The following CPLANE1 variants were observed in gnomAD, a reference collection of about 807,000 sequenced individuals.
The protein encoded by CPLANE1 is ciliogenesis and planar polarity effector 1.
CPLANE1 carries 263 observed loss-of-function variants against 362.5 expected under a neutral mutation model. That is an observed-to-expected ratio of 0.73 (90% confidence interval 0.66 to 0.80). CPLANE1 has a LOEUF of 0.80. Ranked by LOEUF, CPLANE1 falls within the 30% of genes least tolerant of loss-of-function variation. The pLI is 0.00. For synonymous variants in CPLANE1, 1,212 were observed against 1,302.6 expected, an observed-to-expected ratio of 0.93 and a Z score of 1.50; for missense variants, 3,461 against 3,793.4, an observed-to-expected ratio of 0.91 and a Z score of 2.30.
Position 37,121,633 on chromosome 5 carries a change from A to T in CPLANE1, c.9169T>A (p.Cys3057Ser). ...TTGTCTTACCCTCTTGGAGAAGGGC[A>T]GTGTTGACAACTGGAAGACTGAGTA... Reference protein sequence around the residue: ...SPTQSSSCQHCPSPRGENQHG... With the variant: ...SPTQSSSCQHSPSPRGENQHG... The change falls in exon 49 of 53, where the codon TGC becomes AGC. Residue 3057 changes from cysteine (C) to serine (S), a missense_variant. By Grantham distance (112) the Cys-to-Ser change is moderately radical. Transcript: ENST00000651892. 2 of 1,614,132 alleles carry T rather than the reference A, an allele frequency of 1.2e-6. No homozygotes were observed. The highest frequency in any genetic ancestry group is 1.1e-5 in the South Asian group (1 of 91,068).
intron 30 of CPLANE1, 133 bp downstream of exon 30, chr5:37,177,488 T>C (rs1244753240): frequency 3.0e-6 from 2 of 672,054 alleles, no homozygotes; most frequent in African/African-American, 1.8e-5. Context: ...ACCATAACTA[T>C]AAACTGAAGT....
At position 37,179,413 on chromosome 5, in the gene CPLANE1, C is replaced by T; in HGVS notation, c.5768G>A (p.Arg1923Lys). ...CATGCAAATGGCAAGACTGGGACTT[C>T]TGAAACCTCCAACAGATTCTTCAAT... is the stretch of plus-strand genomic sequence containing the variant. ...EDIEESVGGF[R>K]SPSLAICMMT... Residue 1923 changes from arginine to lysine, a missense_variant, in exon 29 of 53, where the codon AGA becomes AAA. By Grantham distance (26) the Arg-to-Lys change is conservative (BLOSUM62 2). Transcript: ENST00000651892. 6.2e-7 allele frequency: 1 copy of T among 1,613,286 alleles called. No homozygotes were observed. The highest frequency in any genetic ancestry group is 1.1e-5 in the South Asian group (1 of 90,958).
intron 44 of CPLANE1, chr5:37,140,213 G>A: frequency 2.3e-6 from 2 of 888,256 alleles, no homozygotes; most frequent in Middle Eastern, 5.8e-4. Flanking sequence ...AATTAATATA[G>A]GGAAAAGTGT....
chr5:37,151,420 T>A (rs1216211108), intron 42 of CPLANE1, among the ~76,000 whole-genome samples: 1 of 152,180 alleles, frequency 6.6e-6, no homozygotes, highest in Non-Finnish European at 1.5e-5. Flanking sequence ...GGTATATACA[T>A]CTATCTTCTT....
intron 50 of CPLANE1, among the ~76,000 whole-genome samples, chr5:37,117,948 AG>A (rs1465234689): frequency 6.6e-6 from 1 of 152,282 alleles, no homozygotes; most frequent in Non-Finnish European, 1.5e-5. Flanking sequence ...ACCATGGCTC[AG>A]GTTTTTAAAA....
At chr5:37,164,813 C>G (rs1777812202) in intron 36 of CPLANE1, among the ~76,000 whole-genome samples, 1 of 152,098 alleles carries the variant, frequency 6.6e-6, no homozygotes, top group Non-Finnish European at 1.5e-5. Context: ...TTTTAAAAGA[C>G]CTGACTTAAA....
At chr5:37,196,564 T>A (rs1383179938) in intron 20 of CPLANE1, among the ~76,000 whole-genome samples, 1 of 152,012 alleles carries the variant, frequency 6.6e-6, no homozygotes, top group Non-Finnish European at 1.5e-5. Flanking sequence ...TCCCTAAAAT[T>A]AAAATAAGCA....
At chr5:37,227,542 C>A in intron 10 of CPLANE1, 26 bp downstream of exon 10, 1 of 1,512,076 alleles carries the variant, frequency 6.6e-7, no homozygotes, top group African/African-American at 1.4e-5. Flanking sequence ...GGCAACTTTC[C>A]CCAATGATAT....
At chr5:37,221,279 C>T in intron 15 of CPLANE1, 45 bp downstream of exon 15, 1 of 1,336,180 alleles carries the variant, frequency 7.5e-7, no homozygotes, top group Non-Finnish European at 1.0e-6. Context: ...ATAGGGAGAC[C>T]CTGTCTCTTT....
Position 37,120,353 on chromosome 5 carries a change from T to C in CPLANE1, c.9186-13A>G, listed in dbSNP as rs1362548883. 3 of 1,547,552 alleles carry C rather than the reference T, an allele frequency of 1.9e-6. No homozygotes were observed. The African/African-American group carries it at 4.3e-5, about 22-fold the overall frequency. On this transcript the variant is annotated splice_polypyrimidine_tract_variant and intron_variant, in intron 49 of 52. Coordinates refer to ENST00000651892, the MANE Select transcript of CPLANE1 (RefSeq NM_001384732.1). ...ATGTTGATTCTCTCTATAGTAGAAATCACATAATTATTACATTCCCAGAAT... is the reference window on the plus strand; with the variant it reads ...ATGTTGATTCTCTCTATAGTAGAAACCACATAATTATTACATTCCCAGAAT...
At chr5:37,154,658 T>C (rs1176385680) in intron 41 of CPLANE1, among the ~76,000 whole-genome samples, 1 of 151,952 alleles carries the variant, frequency 6.6e-6, no homozygotes, top group African/African-American at 2.4e-5. Context: ...CCTCACTGTA[T>C]TGCTCATACT....
chr5:37,134,184 T>C (rs780242963), intron 46 of CPLANE1, among the ~76,000 whole-genome samples: 1 of 152,212 alleles, frequency 6.6e-6, no homozygotes, highest in Non-Finnish European at 1.5e-5. Context: ...CTGTCCTCCT[T>C]GATTTTTTAA....
chr5:37,209,805 G>A lies in CPLANE1; in HGVS notation c.2921-3380C>T. On this transcript the variant is annotated intron_variant, in intron 16 of 52. Coordinates refer to ENST00000651892, the MANE Select transcript of CPLANE1 (RefSeq NM_001384732.1). This position sits in a 1 kb window ranked among gnomAD's most constrained non-coding sequence, Gnocchi z 4.6. ...TCTTATGCATTTTTTAAAAGGATTG[G>A]CAGAATATCATCAAGCTAAAGAAAG... The A allele has an allele frequency of 7.5e-7, 1 of 1,329,136 alleles. No homozygotes were observed. Among genetic ancestry groups the A allele is most frequent in the Non-Finnish European group, 1.1e-6 (1 of 922,750 alleles). The allele number at this position is 1,329,136 out of a possible 1,614,324, so 82.3% of individuals were successfully genotyped here.
chr5:37,195,790 C>T, intron 21 of CPLANE1, 68 bp downstream of exon 21: 1 of 1,508,730 alleles, frequency 6.6e-7, no homozygotes, highest in East Asian at 2.3e-5. Context: ...AGAGTCAATA[C>T]TTTCCCAAAT....
chr5:37,149,097 T>G (rs1772675280), intron 42 of CPLANE1, among the ~76,000 whole-genome samples: 2 of 152,144 alleles, frequency 1.3e-5, no homozygotes. Flanking sequence ...TGTGTGTGTG[T>G]ATACAAAATT....
rs1229712660 is a variant in CPLANE1 at position 37,186,400 on chromosome 5, G to GA, written c.4081-7dup. The GA allele has an allele frequency of 6.3e-5, 88 of 1,389,448 alleles. No individual in the cohort carries two copies. Among genetic ancestry groups the GA allele is most frequent in the Non-Finnish European group, 7.4e-5 (73 of 985,388 alleles). 86.1% of individuals were successfully genotyped at this position (1,389,448 alleles called of 1,614,324 possible). On this transcript the variant is annotated splice_region_variant and splice_polypyrimidine_tract_variant and intron_variant, in intron 23 of 52. Transcript: ENST00000651892. ...TTCACGAAAATTTCTGCTACCTTCAGAAAAAAAATTGTTTAAGTTTTATGA... is the reference window on the plus strand; with the variant it reads ...TTCACGAAAATTTCTGCTACCTTCAGAAAAAAAAATTGTTTAAGTTTTATGA...
chr5:37,195,840 A>G lies in CPLANE1; in HGVS notation c.3811+18T>C, dbSNP rs1420931581. On this transcript the variant is annotated intron_variant, in intron 21 of 52. Transcript: ENST00000651892. ...ACCATCATTCATACTCTAAGCAAGC[A>G]GTTCATTTTGGACAAACCTATTGCT... 1 of 1,599,712 alleles carries G rather than the reference A, an allele frequency of 6.3e-7. No individual in the cohort carries two copies. Among genetic ancestry groups the G allele is most frequent in the South Asian group, 1.1e-5 (1 of 87,762 alleles).
At chr5:37,193,485 T>C (rs1786255918) in intron 21 of CPLANE1, among the ~76,000 whole-genome samples, 1 of 152,074 alleles carries the variant, frequency 6.6e-6, no homozygotes, top group African/African-American at 2.4e-5. Context: ...CAAAACCCCA[T>C]ATCTACTAAA....
chr5:37,114,595 T>C (rs1444920347), intron 51 of CPLANE1, among the ~76,000 whole-genome samples: 1 of 152,122 alleles, frequency 6.6e-6, no homozygotes, highest in East Asian at 1.9e-4. Context: ...TGATTTATAA[T>C]TTTTTTAAAA....
Sources: gnomAD v4.1 joint callset for allele counts (sites outside exome capture counted in the v4.1 genomes callset) on GRCh38, gnomAD v4.1.1 for gene constraint, Gnocchi (gnomAD v3.1) non-coding constraint, MANE v1.5 for transcripts, NCBI Gene and HGNC (gene_info 2026-07-23, HGNC 2026-07-21) for gene names.